The following GABRD variants were observed in gnomAD, a reference collection of about 807,000 sequenced individuals.
The protein encoded by GABRD is gamma-aminobutyric acid receptor subunit delta.
A neutral mutation model predicts 47.3 loss-of-function variants in GABRD; 25 were observed. The ratio of observed to expected loss-of-function variants is 0.53; its 90% CI spans 0.39 to 0.74. The LOEUF is 0.74. Among genes scored for constraint, GABRD ranks in the 30% least tolerant of loss-of-function variants. The probability of loss-of-function intolerance (pLI) is 0.00; values close to 1 mark genes in which losing one functional copy is unlikely to be tolerated. For synonymous variants in GABRD, 314 were observed against 278.8 expected (o/e 1.13, Z -1.26); for missense variants, 497 against 643.4 (o/e 0.77, Z 2.46).
chr1:2,030,144 C>T lies in GABRD; in HGVS notation c.1221C>T (p.Ala407=). The T allele has an allele frequency of 6.3e-7, 1 of 1,578,232 alleles. No homozygotes were observed. Among genetic ancestry groups the T allele is most frequent in the Non-Finnish European group, 8.6e-7 (1 of 1,161,164 alleles). ...GGGAGACGAAGAAGGAGGGGGCAGCCCGCTCAGGAGGCCAGGGGGGCATCC... is the reference window on the plus strand; with the variant it reads ...GGGAGACGAAGAAGGAGGGGGCAGCTCGCTCAGGAGGCCAGGGGGGCATCC... ...ETGETKKEGA[A]RSGGQGGIRA... The change falls in exon 9 of 9, where the codon GCC becomes GCT. Residue 407 remains alanine, a synonymous_variant. Coordinates refer to ENST00000378585, the MANE Select transcript of GABRD (RefSeq NM_000815.5).
intron 4 of GABRD, among the ~76,000 whole-genome samples, chr1:2,026,025 C>T (rs945683148): frequency 6.6e-5 from 10 of 152,226 alleles, no homozygotes; most frequent in Admixed American, 1.3e-4. Flanking sequence ...TAAAATTAAC[C>T]TTTTTAAAGT....
intron 1 of GABRD, chr1:2,024,705 G>T (rs1216232992): frequency 1.3e-5 from 5 of 394,030 alleles, no homozygotes; most frequent in Non-Finnish European, 2.3e-5. Context: ...GGGCACTGAG[G>T]CCGGAGGAGG....
At position 2,027,416 on chromosome 1, in the gene GABRD, T is replaced by C. The variant is rs937598383; in HGVS notation, c.471-161T>C. ...AAGGAATACTTGACGTCTATGAAGT[T>C]GAGCAGTTTCCAGGTTTACCTGGAT... is the stretch of plus-strand genomic sequence containing the variant. On this transcript the variant is annotated intron_variant, in intron 4 of 8. Coordinates refer to ENST00000378585, the MANE Select transcript of GABRD (RefSeq NM_000815.5). 3 of 690,448 alleles carry C rather than the reference T, an allele frequency of 4.3e-6. No individual in the cohort carries two copies. In the Admixed American group the frequency reaches 6.2e-5, roughly 14 times the overall value. 42.8% of individuals were successfully genotyped at this position (690,448 alleles called of 1,614,324 possible).
intron 1 of GABRD, among the ~76,000 whole-genome samples, chr1:2,020,274 G>A (rs1352336142): frequency 1.3e-5 from 2 of 152,212 alleles, no homozygotes; most frequent in Non-Finnish European, 2.9e-5. Context: ...CCACCACGGG[G>A]CCTGGCTGGC....
At position 2,025,045 on chromosome 1, in the gene GABRD, G is replaced by T; in HGVS notation, c.172G>T (p.Gly58Cys). 1 of 1,612,198 alleles carries T rather than the reference G, an allele frequency of 6.2e-7. No homozygotes were observed. The highest frequency in any genetic ancestry group is 8.5e-7 in the Non-Finnish European group (1 of 1,179,414). Residue 58 changes from glycine (G) to cysteine (C), a missense_variant, in exon 2 of 9, where the codon GGC becomes TGC. Around this residue, in one of 3 missense-constraint regions of GABRD, gnomAD observed 91 missense variants for 85.5 expected, o/e 1.06. Transcript: ENST00000378585. ...CGGCTACGCCCGCAACTTCCGGCCT[G>T]GCATCGGAGGTGAGGGGCGGTCCAG... is the stretch of plus-strand genomic sequence containing the variant. ...IAGYARNFRPGIGGPPVNVAL... is the reference protein window; with the variant it reads ...IAGYARNFRPCIGGPPVNVAL...
In GABRD at chr1:2,030,434, C is replaced by A; in HGVS notation, c.*152C>A. The A allele has an allele frequency of 1.5e-6, 1 of 666,690 alleles. No homozygotes were observed. 41.3% of individuals were successfully genotyped at this position (666,690 alleles called of 1,614,324 possible). A position where few individuals can be genotyped will look rare whatever the true frequency, so the allele number is the denominator to read the frequency against. On this transcript the variant is annotated 3_prime_UTR_variant, in exon 9 of 9. Coordinates refer to ENST00000378585, the MANE Select transcript of GABRD (RefSeq NM_000815.5). ...ACGGAAAACAAGAGGAAGCCTCGGC[C>A]TCCCTGAGCTCTGACCCCAGCCTCA...
Position 2,029,747 on chromosome 1 carries a change from C to T in GABRD, c.1044C>T (p.Ser348=), listed in dbSNP as rs776198921. ...AGCAGAAGGCCAAGGTCAAGGTCTC[C>T]AGGCCGAGGGCAGAGGTGAGGGCCT... ...RKKQKAKVKV[S]RPRAEMDVRN... Residue 348 remains serine, a synonymous_variant, in exon 8 of 9, where the codon TCC becomes TCT. Coordinates refer to ENST00000378585, the MANE Select transcript of GABRD (RefSeq NM_000815.5). 1.9e-6 allele frequency: 3 copies of T among 1,612,922 alleles called. No homozygotes were observed. The highest frequency in any genetic ancestry group is 8.5e-7 in the Non-Finnish European group (1 of 1,179,850).
intron 7 of GABRD, 86 bp from the exon 8 acceptor site, chr1:2,029,465 C>T: frequency 6.4e-7 from 1 of 1,563,590 alleles, no homozygotes; most frequent in Non-Finnish European, 8.7e-7. Context: ...GGCAGCGGAC[C>T]CTCATCCGTG....
rs1658994773 is a variant in GABRD, at chr1:2,028,465, C to A, written c.691+173C>A. Among the ~76,000 whole-genome samples the A allele has an allele frequency of 6.6e-6, 1 of 152,278 alleles. No individual in the cohort carries two copies. Among genetic ancestry groups the A allele is most frequent in the Admixed American group, 6.5e-5 (1 of 15,304 alleles). On this transcript the variant is annotated intron_variant, in intron 6 of 8. Coordinates refer to ENST00000378585, the MANE Select transcript of GABRD (RefSeq NM_000815.5). This position sits in a 1 kb window ranked among gnomAD's most constrained non-coding sequence, Gnocchi z 6.4. ...GGCCTCTGGGGATGCAGCTGGGACG[C>A]TGCTGCCTTAGGAACTTGCTCATTG... is the stretch of plus-strand genomic sequence containing the variant.
chr1:2,024,840 G>C, intron 1 of GABRD, 102 bp from the exon 2 acceptor site: 1 of 822,102 alleles, frequency 1.2e-6, no homozygotes, highest in Non-Finnish European at 2.0e-6. Flanking sequence ...CCATGCCCTG[G>C]CCCAGGTGCC....
Position 2,025,680 on chromosome 1 carries a change from A to T in GABRD, c.412A>T (p.Thr138Ser). 1 of 1,612,956 alleles carries T rather than the reference A, an allele frequency of 6.2e-7. No homozygotes were observed. Among genetic ancestry groups the T allele is most frequent in the South Asian group, 1.1e-5 (1 of 91,084 alleles). Reference sequence around the variant, plus strand: ...CAAGTCGGCCTGGTTCCACGACGTGACGGTGGAGAACAAGCTCATCCGGCT... The same window carrying T: ...CAAGTCGGCCTGGTTCCACGACGTGTCGGTGGAGAACAAGCTCATCCGGCT... ...NAKSAWFHDV[T>S]VENKLIRLQP... The change falls in exon 4 of 9, where the codon ACG (threonine) becomes TCG (serine). Residue 138 changes from threonine to serine, a missense_variant. Thr to Ser is a moderately conservative substitution (Grantham distance 58). Transcript: ENST00000378585.
intron 4 of GABRD, 118 bp from the exon 5 acceptor site, chr1:2,027,459 T>TG: frequency 1.3e-6 from 1 of 788,202 alleles, no homozygotes; most frequent in East Asian, 2.7e-5. Context: ...AAACACAGTC[T>TG]GAGAAGTAGC....
Position 2,027,620 on chromosome 1 carries a change from C to T in GABRD, c.514C>T (p.Pro172Ser). The change falls in exon 5 of 9, where the codon CCC becomes TCC. Residue 172 changes from proline to serine, a missense_variant. Pro to Ser is a moderately conservative substitution (Grantham distance 74). Transcript: ENST00000378585. ...VACDMDLAKY[P>S]MDEQECMLDL... Reference sequence around the variant, plus strand: ...CTGCGACATGGACCTGGCCAAATACCCCATGGACGAGCAGGAGTGCATGCT... The same window carrying T: ...CTGCGACATGGACCTGGCCAAATACTCCATGGACGAGCAGGAGTGCATGCT... 6.2e-7 allele frequency: 1 copy of T among 1,613,900 alleles called. No individual in the cohort carries two copies. Among genetic ancestry groups the T allele is most frequent in the South Asian group, 1.1e-5 (1 of 91,056 alleles).
Position 2,025,008 on chromosome 1 carries a change from C to T in GABRD, c.135C>T (p.Asp45=), listed in dbSNP as rs754323369. Residue 45 remains aspartate, a synonymous_variant, in exon 2 of 9, where the codon GAC becomes GAT. Coordinates refer to ENST00000378585, the MANE Select transcript of GABRD (RefSeq NM_000815.5). The stretch of plus-strand genomic sequence containing the variant: ...AGATCTCCTGGCTCCCCAACCTGGA[C>T]GGGCTGATAGCCGGCTACGCCCGCA... ...NLEISWLPNL[D]GLIAGYARNF... 9.3e-6 allele frequency: 15 copies of T among 1,612,814 alleles called. No homozygotes were observed. Among genetic ancestry groups the T allele is most frequent in the African/African-American group, 2.7e-5 (2 of 75,064 alleles).
At position 2,030,208 on chromosome 1, in the gene GABRD, AT is replaced by A; in HGVS notation, c.1288del (p.Tyr430ThrfsTer79). 1 of 1,561,278 alleles carries A rather than the reference AT, an allele frequency of 6.4e-7. No individual in the cohort carries two copies. Among genetic ancestry groups the A allele is most frequent in the South Asian group, 1.2e-5 (1 of 84,278 alleles). ...LRPIDADTIDIYARAVFPAAF... is the reference protein window; with the variant it reads ...LRPIDADTIDXYARAVFPAAF... Reference sequence around the variant, plus strand: ...GCCCATCGACGCAGACACCATTGACATTTACGCCCGCGCTGTGTTCCCTGCG... The same window carrying A: ...GCCCATCGACGCAGACACCATTGACATTACGCCCGCGCTGTGTTCCCTGCG... On this transcript the variant is annotated frameshift_variant, in exon 9 of 9. Transcript: ENST00000378585. LOFTEE classifies it high-confidence loss of function.
intron 1 of GABRD, among the ~76,000 whole-genome samples, chr1:2,023,291 T>C (rs749524466): frequency 2.0e-5 from 3 of 150,940 alleles, no homozygotes; most frequent in African/African-American, 7.3e-5. Flanking sequence ...ACAAGCAGAG[T>C]AGGCTGCAGG....
Position 2,028,204 on chromosome 1 carries a change from G to T in GABRD, c.603G>T (p.Glu201Asp). The change falls in exon 6 of 9, where the codon GAG becomes GAT. Residue 201 changes from glutamate (E) to aspartate (D), a missense_variant. Physicochemically the swap from Glu to Asp is conservative, Grantham distance 45 (BLOSUM62 2). Coordinates refer to ENST00000378585, the MANE Select transcript of GABRD (RefSeq NM_000815.5). The surrounding 1 kb of genome is among the most constrained non-coding windows in gnomAD (Gnocchi z 6.4). ...DIVYYWSESQ[E>D]HIHGLDKLQL... is the part of the protein sequence containing the mutation. ...TCTACTACTGGTCGGAGAGCCAGGAGCACATCCACGGGCTGGACAAGCTGC... is the reference window on the plus strand; with the variant it reads ...TCTACTACTGGTCGGAGAGCCAGGATCACATCCACGGGCTGGACAAGCTGC... 6.2e-7 allele frequency: 1 copy of T among 1,612,588 alleles called. No individual in the cohort carries two copies. The highest frequency in any genetic ancestry group is 8.5e-7 in the Non-Finnish European group (1 of 1,179,832).
At chr1:2,026,713 T>A (rs2102149284) in intron 4 of GABRD, 1 of 152,096 alleles carries the variant, frequency 6.6e-6, no homozygotes, top group Non-Finnish European at 1.5e-5. Context: ...TGGGGGCCTG[T>A]AGTCCCAGCT....
Position 2,030,483 on chromosome 1 carries a change from T to C in GABRD, c.*201T>C. The C allele has an allele frequency of 2.4e-6, 1 of 425,248 alleles. No individual in the cohort carries two copies. Among genetic ancestry groups the C allele is most frequent in the Non-Finnish European group, 4.1e-6 (1 of 244,984 alleles). The allele number at this position is 425,248 out of a possible 1,614,324, so 26.3% of individuals were successfully genotyped here. ...CACCCGAAAGGCCAGCCTGGGGCTC[T>C]CCGGCAGGCAGCCCGAGACCTGCAC... On this transcript the variant is annotated 3_prime_UTR_variant, in exon 9 of 9. Transcript: ENST00000378585.
Sources: allele counts gnomAD v4.1 joint callset (sites outside exome capture counted in the v4.1 genomes callset), GRCh38; gene constraint gnomAD v4.1.1; regional missense constraint gnomAD v4.1.1; non-coding constraint Gnocchi (gnomAD v3.1); transcripts MANE v1.5; gene names NCBI Gene and HGNC (gene_info 2026-07-23, HGNC 2026-07-21).